TTLL10: variants seen among roughly 807,000 people sequenced by gnomAD.
The protein encoded by TTLL10 is tubulin tyrosine ligase like 10, also known as inactive polyglycylase TTLL10.
A neutral mutation model predicts 69.0 loss-of-function variants in TTLL10; 61 were observed. The observed-to-expected ratio is 0.88, with a 90% CI of 0.72 to 1.09. The LOEUF is 1.09. Ranked by LOEUF, TTLL10 falls within the 50% of genes least tolerant of loss-of-function variation. The pLI, the probability that TTLL10 is intolerant of heterozygous loss-of-function variation, is 0.00. For missense variants in TTLL10, 962 were observed against 945.9 expected (o/e 1.02, Z -0.22); for synonymous variants, 408 against 393.3 (o/e 1.04, Z -0.44).
intron 10 of TTLL10, 131 bp downstream of exon 10, chr1:1,182,577 C>A: frequency 2.0e-6 from 2 of 999,926 alleles, no homozygotes; most frequent in South Asian, 2.7e-5. Context: ...ACGAGGTGGT[C>A]AGGAAGGGGC....
chr1:1,191,663 G>T (rs1169518631), intron 13 of TTLL10, among the ~76,000 whole-genome samples: 1 of 152,172 alleles, frequency 6.6e-6, no homozygotes, highest in African/African-American at 2.4e-5. Context: ...CACACACAGA[G>T]AAATACAGAG....
intron 13 of TTLL10, among the ~76,000 whole-genome samples, chr1:1,190,296 T>A (rs1647664311): frequency 6.6e-6 from 1 of 152,008 alleles, no homozygotes; most frequent in East Asian, 1.9e-4. Flanking sequence ...TTATCAATTT[T>A]GTTGATCTTT....
chr1:1,197,408 C>A (rs560639495), intron 15 of TTLL10, 30 bp from the exon 16 acceptor site: 8 of 1,479,690 alleles, frequency 5.4e-6, no homozygotes, highest in Non-Finnish European at 6.3e-6. Context: ...CTCTGCCCCC[C>A]ACTCACCCTC....
chr1:1,176,717 G>A (rs965078432), intron 3 of TTLL10, among the ~76,000 whole-genome samples: 1 of 152,126 alleles, frequency 6.6e-6, no homozygotes, highest in African/African-American at 2.4e-5. Context: ...GTATCTCCCC[G>A]GGCCTCCCCT....
In TTLL10 at chr1:1,182,397, C is replaced by T. The variant is rs145334605; in HGVS notation, c.867C>T (p.Tyr289=). The change falls in exon 10 of 16, where the codon TAC becomes TAT. Residue 289 remains tyrosine, a synonymous_variant. Coordinates refer to ENST00000379289, the MANE Select transcript of TTLL10 (RefSeq NM_001130045.2). ...TGGAAGAGTTTTTCCCAGAGACCTA[C>T]CGCCTGGACCTCAAACACGAGAGAG... The part of the protein sequence containing the change: ...LRMEEFFPET[Y]RLDLKHEREA... The T allele has an allele frequency of 6.3e-5, 102 of 1,613,970 alleles. No homozygotes were observed. In the African/African-American group the frequency reaches 1.2e-3, roughly 18 times the overall value.
intron 12 of TTLL10, among the ~76,000 whole-genome samples, chr1:1,184,656 G>A (rs1647197129): frequency 6.6e-6 from 1 of 152,178 alleles, no homozygotes; most frequent in East Asian, 1.9e-4. Flanking sequence ...CAGAGAACAG[G>A]CCTTCTAGGT....
At position 1,179,199 on chromosome 1, in the gene TTLL10, C is replaced by T. The variant is rs367773856; in HGVS notation, c.-17C>T. On this transcript the variant is annotated 5_prime_UTR_variant, in exon 4 of 16. Coordinates refer to ENST00000379289, the MANE Select transcript of TTLL10 (RefSeq NM_001130045.2). ...GCATCTTCCCTTCAGGGCCCTCGCC[C>T]GGGCACCCCCCGGCCAATGGACCAC... 104 of 1,526,766 alleles carry T rather than the reference C, an allele frequency of 6.8e-5. No homozygotes were observed. In the Middle Eastern group the frequency reaches 1.1e-3, roughly 17 times the overall value. The allele number at this position is 1,526,766 out of a possible 1,614,324, so 94.6% of individuals were successfully genotyped here.
Position 1,179,193 on chromosome 1 carries a change from C to T in TTLL10, c.-23C>T, listed in dbSNP as rs1325926225. The stretch of plus-strand genomic sequence containing the variant: ...AGAGCGGCATCTTCCCTTCAGGGCC[C>T]TCGCCCGGGCACCCCCCGGCCAATG... On this transcript the variant is annotated 5_prime_UTR_variant, in exon 4 of 16. Transcript: ENST00000379289. 7 of 1,517,896 alleles carry T rather than the reference C, an allele frequency of 4.6e-6. No homozygotes were observed. Among genetic ancestry groups the T allele is most frequent in the South Asian group, 1.3e-5 (1 of 78,664 alleles). 94.0% of individuals were successfully genotyped at this position (1,517,896 alleles called of 1,614,324 possible). A position where few individuals can be genotyped will look rare whatever the true frequency, so the allele number is the denominator to read the frequency against.
intron 3 of TTLL10, among the ~76,000 whole-genome samples, chr1:1,178,350 G>A (rs577614971): frequency 3.2e-4 from 48 of 152,124 alleles, no homozygotes; most frequent in Non-Finnish European, 2.2e-4. Context: ...ACCTGAGGTC[G>A]GGAGTTTGAG....
rs371677298 is a variant in TTLL10, at chr1:1,182,925, C to T, written c.966C>T (p.Gly322=). ...CKPTASNQGK[G]IFLLRNQEEV... ...CCACAGCCTCCAACCAGGGCAAAGG[C>T]ATCTTCCTGCTCCGGAACCAGGAGG... The change falls in exon 11 of 16, where the codon GGC becomes GGT. Residue 322 remains glycine (G), a synonymous_variant. Coordinates refer to ENST00000379289, the MANE Select transcript of TTLL10 (RefSeq NM_001130045.2). 3.8e-6 allele frequency: 6 copies of T among 1,597,502 alleles called. No homozygotes were observed. Among genetic ancestry groups the T allele is most frequent in the Admixed American group, 1.7e-5 (1 of 58,166 alleles).
chr1:1,189,263 G>A (rs547567229), intron 13 of TTLL10, among the ~76,000 whole-genome samples: 2 of 152,234 alleles, frequency 1.3e-5, no homozygotes, highest in African/African-American at 4.8e-5. Context: ...GCCCTCGTCA[G>A]GTTGAGGAAG....
At chr1:1,194,162 A>C (rs1648034701) in intron 13 of TTLL10, among the ~76,000 whole-genome samples, 1 of 152,228 alleles carries the variant, frequency 6.6e-6, no homozygotes, top group South Asian at 2.1e-4. Flanking sequence ...TTTCTAAAAT[A>C]AAAAATGTTT....
intron 3 of TTLL10, 26 bp downstream of exon 3, chr1:1,174,515 T>A (rs1480379740): frequency 6.6e-6 from 1 of 152,446 alleles, no homozygotes; most frequent in African/African-American, 2.4e-5. Flanking sequence ...TACAATTTAT[T>A]GTAAGGTCGT....
At chr1:1,178,340 A>G (rs896573938) in intron 3 of TTLL10, among the ~76,000 whole-genome samples, 2 of 152,130 alleles carry the variant, frequency 1.3e-5, no homozygotes, top group Non-Finnish European at 2.9e-5. Context: ...CAGGCGGATC[A>G]CCTGAGGTCG....
At chr1:1,197,416 CT>C in intron 15 of TTLL10, 21 bp from the exon 16 acceptor site, 1 of 1,497,304 alleles carries the variant, frequency 6.7e-7, no homozygotes. Flanking sequence ...CCCACTCACC[CT>C]CTCTCCCCCA....
intron 13 of TTLL10, chr1:1,196,392 A>C: frequency 1.7e-6 from 1 of 571,494 alleles, no homozygotes; most frequent in Non-Finnish European, 3.2e-6. Context: ...CCAGTGCCTG[A>C]CACAGGACAG....
chr1:1,178,874 C>G (rs923923435), intron 3 of TTLL10, among the ~76,000 whole-genome samples: 1 of 152,218 alleles, frequency 6.6e-6, no homozygotes, highest in African/African-American at 2.4e-5. Context: ...AGGCGCCCCA[C>G]CCAGCAGGCC....
At position 1,184,020 on chromosome 1, in the gene TTLL10, G is replaced by T; in HGVS notation, c.1189G>T (p.Gly397Cys). ...TTPYMIFFGHGYARLTLSLYD... is the reference protein window; with the variant it reads ...TTPYMIFFGHCYARLTLSLYD... ...ACCCTACATGATCTTCTTTGGCCAC[G>T]GCTATGCTCGCCTCACCCTTAGCCT... is the stretch of plus-strand genomic sequence containing the variant. The change falls in exon 12 of 16, where the codon GGC becomes TGC. Residue 397 changes from glycine to cysteine, a missense_variant. Coordinates refer to ENST00000379289, the MANE Select transcript of TTLL10 (RefSeq NM_001130045.2). 1 of 1,614,166 alleles carries T rather than the reference G, an allele frequency of 6.2e-7. No individual in the cohort carries two copies. The highest frequency in any genetic ancestry group is 1.3e-5 in the African/African-American group (1 of 75,048).
At chr1:1,192,168 T>A (rs1360185154) in intron 13 of TTLL10, among the ~76,000 whole-genome samples, 1 of 152,284 alleles carries the variant, frequency 6.6e-6, no homozygotes. Context: ...CTCGTTAATC[T>A]TCTGTCTCTG....
Sources: allele counts gnomAD v4.1 joint callset (sites outside exome capture counted in the v4.1 genomes callset), GRCh38; gene constraint gnomAD v4.1.1; transcripts MANE v1.5; gene names NCBI Gene and HGNC (gene_info 2026-07-23, HGNC 2026-07-21).